The following HOOK1 variants were observed in gnomAD, a reference collection of about 807,000 sequenced individuals.
HOOK1 encodes hook microtubule tethering protein 1.
A neutral mutation model predicts 112.8 loss-of-function variants in HOOK1; 60 were observed. That is an observed-to-expected ratio of 0.53 (90% CI 0.43 to 0.66). HOOK1 has a LOEUF of 0.66. Ranked by LOEUF, HOOK1 falls within the 30% of genes least tolerant of loss-of-function variation. HOOK1 has a pLI of 0.00. For synonymous variants in HOOK1, 294 were observed against 283.8 expected (o/e 1.04, Z -0.36); for missense variants, 770 against 856.0 (o/e 0.90, Z 1.25).
chr1:59,866,225 T>C (rs1270503940), intron 19 of HOOK1, among the ~76,000 whole-genome samples: 1 of 152,092 alleles, frequency 6.6e-6, no homozygotes, highest in Non-Finnish European at 1.5e-5. Flanking sequence ...TCAGAGAGAG[T>C]GATGGCTATA....
intron 9 of HOOK1, among the ~76,000 whole-genome samples, chr1:59,843,839 G>T (rs1026084009): frequency 9.9e-5 from 15 of 152,044 alleles, no homozygotes; most frequent in African/African-American, 3.6e-4. Context: ...CCAAATCAAG[G>T]CCATAGGACA....
chr1:59,876,233 A>ACTT lies in HOOK1; in HGVS notation c.*3269_*3271dup, dbSNP rs1440325933. 2.6e-5 allele frequency: 4 copies of ACTT among 152,652 alleles called. No individual in the cohort carries two copies. The highest frequency in any genetic ancestry group is 9.6e-5 in the African/African-American group (4 of 41,458). 9.5% of individuals were successfully genotyped at this position (152,652 alleles called of 1,614,324 possible). A position where few individuals can be genotyped will look rare whatever the true frequency, so the allele number is the denominator to read the frequency against. On this transcript the variant is annotated 3_prime_UTR_variant, in exon 22 of 22. Coordinates refer to ENST00000371208, the MANE Select transcript of HOOK1 (RefSeq NM_015888.6). ...GTCCTTTCTATTTTCTATGGCAAAG[A>ACTT]CTTTGACACTTGAAAAATAAAACCA...
At chr1:59,861,063 A>C (rs2098413364) in intron 15 of HOOK1, among the ~76,000 whole-genome samples, 1 of 151,970 alleles carries the variant, frequency 6.6e-6, no homozygotes, top group South Asian at 2.1e-4. Flanking sequence ...GGCGTGAGCC[A>C]CCATGCCTGG....
At chr1:59,858,666 G>T in intron 13 of HOOK1, 151 bp downstream of exon 13, 1 of 637,160 alleles carries the variant, frequency 1.6e-6, no homozygotes, top group South Asian at 1.9e-5. Context: ...GAGCCTAGGA[G>T]TTTGAAGTTG....
chr1:59,866,030 A>T, intron 19 of HOOK1, 58 bp downstream of exon 19: 1 of 879,050 alleles, frequency 1.1e-6, no homozygotes, highest in Non-Finnish European at 1.9e-6. Context: ...AGCAAGGCTC[A>T]TTTCACTGGA....
intron 9 of HOOK1, among the ~76,000 whole-genome samples, chr1:59,846,558 C>T (rs939766248): frequency 5.0e-5 from 3 of 59,832 alleles, no homozygotes; most frequent in African/African-American, 2.2e-4. Context: ...TTCCTTCCTT[C>T]CTTCCTTCCT....
chr1:59,875,428 A>G lies in HOOK1; in HGVS notation c.*2463A>G, dbSNP rs921297849. 5.2e-5 allele frequency: 8 copies of G among 152,648 alleles called. No individual in the cohort carries two copies. In the South Asian group the frequency reaches 1.2e-3, roughly 24 times the overall value. The allele number at this position is 152,648 out of a possible 1,614,324, so 9.5% of individuals were successfully genotyped here. A position where few individuals can be genotyped will look rare whatever the true frequency, so the allele number is the denominator to read the frequency against. On this transcript the variant is annotated 3_prime_UTR_variant, in exon 22 of 22. Transcript: ENST00000371208. ...TGTATTATTGTGATTAATCATACAG[A>G]AATTCAGGAACTGATCAGAAGTGAG...
chr1:59,840,982 T>G (rs964328761), intron 8 of HOOK1, among the ~76,000 whole-genome samples: 4 of 152,176 alleles, frequency 2.6e-5, no homozygotes, highest in African/African-American at 9.6e-5. Context: ...TATTACTAGC[T>G]GGTTATATGC....
At chr1:59,824,072 T>C (rs2098388024) in intron 2 of HOOK1, among the ~76,000 whole-genome samples, 1 of 152,236 alleles carries the variant, frequency 6.6e-6, no homozygotes, top group Non-Finnish European at 1.5e-5. Context: ...TTTTGGAACT[T>C]TTCAGAAGTC....
intron 6 of HOOK1, 36 bp from the exon 7 acceptor site, chr1:59,836,837 A>G (rs774007252): frequency 1.0e-5 from 12 of 1,144,322 alleles, no homozygotes; most frequent in African/African-American, 1.5e-5. Flanking sequence ...TAAACATCAC[A>G]TTGTTATACT....
In HOOK1 at chr1:59,868,210, T is replaced by C. The variant is rs762878475; in HGVS notation, c.1846-40T>C. The C allele has an allele frequency of 6.4e-6, 7 of 1,088,958 alleles. No individual in the cohort carries two copies. The South Asian group carries it at 9.3e-5, about 15-fold the overall frequency. The allele number at this position is 1,088,958 out of a possible 1,614,324, so 67.5% of individuals were successfully genotyped here. A position where few individuals can be genotyped will look rare whatever the true frequency, so the allele number is the denominator to read the frequency against. ...ATATGTTCTATATGTTTTAATACTT[T>C]AAAATATAAAGTGAACATAGTATTT... On this transcript the variant is annotated intron_variant, in intron 19 of 21. Transcript: ENST00000371208.
intron 1 of HOOK1, among the ~76,000 whole-genome samples, chr1:59,818,926 G>C (rs1054623809): frequency 1.3e-5 from 2 of 152,064 alleles, no homozygotes; most frequent in African/African-American, 4.8e-5. Context: ...TTATATTAAA[G>C]TAGTTTAGGA....
chr1:59,829,878 C>T (rs1368930852), intron 3 of HOOK1, among the ~76,000 whole-genome samples: 1 of 152,046 alleles, frequency 6.6e-6, no homozygotes, highest in South Asian at 2.1e-4. Flanking sequence ...TTAGCCACAT[C>T]CCACATATTT....
At chr1:59,817,895 A>G (rs1297917153) in intron 1 of HOOK1, among the ~76,000 whole-genome samples, 1 of 152,104 alleles carries the variant, frequency 6.6e-6, no homozygotes, top group Non-Finnish European at 1.5e-5. Context: ...TACATGACCT[A>G]TTTTCTGCTC....
intron 8 of HOOK1, among the ~76,000 whole-genome samples, chr1:59,842,774 A>G (rs2098401660): frequency 6.6e-6 from 1 of 152,146 alleles, no homozygotes; most frequent in African/African-American, 2.4e-5. Context: ...TTTAAATGGA[A>G]AAGAAGTAGA....
At chr1:59,815,648 G>A (rs1269006289) in intron 1 of HOOK1, among the ~76,000 whole-genome samples, 1 of 151,974 alleles carries the variant, frequency 6.6e-6, no homozygotes, top group Non-Finnish European at 1.5e-5. Context: ...CTGGACACAG[G>A]TGGCCAGGAG....
At chr1:59,872,072 A>G (rs1644063238) in intron 21 of HOOK1, among the ~76,000 whole-genome samples, 2 of 152,152 alleles carry the variant, frequency 1.3e-5, no homozygotes, top group African/African-American at 4.8e-5. Flanking sequence ...GTAGTCCATG[A>G]TTGATTCATT....
rs937374943 is a variant in HOOK1, at chr1:59,874,102, T to C, written c.*1137T>C. The C allele has an allele frequency of 2.0e-5, 3 of 152,104 alleles. No individual in the cohort carries two copies. Among genetic ancestry groups the C allele is most frequent in the African/African-American group, 4.8e-5 (2 of 41,438 alleles). The allele number at this position is 152,104 out of a possible 1,614,324, so 9.4% of individuals were successfully genotyped here. The stretch of plus-strand genomic sequence containing the variant: ...GTTAAATATGTGCTGTCGTATATCA[T>C]AGCCATGAGCCATATATGACAATTT... On this transcript the variant is annotated 3_prime_UTR_variant, in exon 22 of 22. Transcript: ENST00000371208.
rs1043311990 is a variant in HOOK1, at chr1:59,846,572, TTCCTTCCTTCCTTCCTCCC to T, written c.789-468_789-450del. Among the ~76,000 whole-genome samples the T allele has an allele frequency of 1.6e-4, 13 of 79,810 alleles. 1 individual carries two copies. The highest frequency in any genetic ancestry group is 1.2e-3 in the East Asian group (3 of 2,526). 52.4% of individuals were successfully genotyped at this position (79,810 alleles called of 152,430 possible). ...CTTCCTTCCTTCCTTCCTTCCTTCC[TTCCTTCCTTCCTTCCTCCC>T]TCCTCCCTCCCTCCCTCCCTCTCTC... On this transcript the variant is annotated intron_variant, in intron 9 of 21. Coordinates refer to ENST00000371208, the MANE Select transcript of HOOK1 (RefSeq NM_015888.6).
Sources: gnomAD v4.1 joint callset for allele counts (sites outside exome capture counted in the v4.1 genomes callset) on GRCh38, gnomAD v4.1.1 for gene constraint, MANE v1.5 for transcripts, NCBI Gene and HGNC (gene_info 2026-07-23, HGNC 2026-07-21) for gene names.